Variants in IL1RAPL2 observed in about 807,000 individuals in gnomAD.
IL1RAPL2 encodes the protein interleukin 1 receptor accessory protein like 2.
In IL1RAPL2, 3 loss-of-function variants were observed where a neutral mutation model predicts 44.1. The observed-to-expected ratio is 0.07, with a 90% CI of 0.03 to 0.18. The LOEUF (loss-of-function observed/expected upper bound fraction) is 0.18, where lower values mean the gene tolerates loss of function less well. IL1RAPL2 is among the 10% of genes least tolerant of loss of function. IL1RAPL2 has a pLI of 1.00. For missense variants in IL1RAPL2, 391 were observed against 496.4 expected (o/e 0.79, Z 2.02); for synonymous variants, 181 against 178.8 (o/e 1.01, Z -0.10).
At chrX:104,844,129 G>T (rs145907222) in intron 2 of IL1RAPL2, among the ~76,000 whole-genome samples, 1,446 of 109,192 alleles carry the variant, frequency 0.013, 6 homozygotes, top group Non-Finnish European at 0.021. Context: ...TGAAGTGATT[G>T]GCAAACTTTT....
intron 6 of IL1RAPL2, among the ~76,000 whole-genome samples, chrX:105,493,410 A>G (rs1376013272): frequency 8.9e-6 from 1 of 112,017 alleles, no homozygotes; most frequent in Non-Finnish European, 1.9e-5. Flanking sequence ...ATTTCTCTAC[A>G]TTCTTGAAAG....
At chrX:104,893,195 A>T (rs1278145746) in intron 2 of IL1RAPL2, among the ~76,000 whole-genome samples, 2 of 111,532 alleles carry the variant, frequency 1.8e-5, no homozygotes, top group Admixed American at 9.5e-5. Flanking sequence ...TTTGCTGAGG[A>T]GTGCTTTAGT....
rs3055134 is a variant in IL1RAPL2 at position 104,660,620 on chromosome X, G to GAC, written c.82+1645_82+1646dup. The stretch of plus-strand genomic sequence containing the variant: ...ACACAAATATATATGTGTATGTATA[G>GAC]ACACACACACACACACACACATACA... On this transcript the variant is annotated intron_variant, in intron 2 of 10. Transcript: ENST00000372582. Among the ~76,000 whole-genome samples, 456 of 95,444 alleles carry GAC rather than the reference G, an allele frequency of 4.8e-3. 2 individuals are homozygous for GAC. Among genetic ancestry groups the GAC allele is most frequent in the Non-Finnish European group, 5.6e-3 (276 of 48,852 alleles). The allele number at this position is 95,444 out of a possible 115,157, so 82.9% of individuals were successfully genotyped here. A position where few individuals can be genotyped will look rare whatever the true frequency, so the allele number is the denominator to read the frequency against.
intron 6 of IL1RAPL2, among the ~76,000 whole-genome samples, chrX:105,679,315 G>A (rs2037902156): frequency 8.9e-6 from 1 of 111,766 alleles, no homozygotes; most frequent in South Asian, 3.7e-4. Flanking sequence ...AGGTAACCAG[G>A]AATTAAATAT....
chrX:105,650,619 A>G lies in IL1RAPL2; in HGVS notation c.773-66748A>G, dbSNP rs182367589. Among the ~76,000 whole-genome samples, 430 of 112,434 alleles carry G rather than the reference A, an allele frequency of 3.8e-3. 5 individuals are homozygous for G. The highest frequency in any genetic ancestry group is 0.014 in the African/African-American group (422 of 30,952). On this transcript the variant is annotated intron_variant, in intron 6 of 10. Transcript: ENST00000372582. ...TACCTTGAATTGGTTATGACTTTCT[A>G]AACCCTCTGACAGTTAGTCTTTGTC...
intron 2 of IL1RAPL2, among the ~76,000 whole-genome samples, chrX:104,677,903 T>A (rs2147537236): frequency 8.9e-6 from 1 of 112,458 alleles, no homozygotes; most frequent in Admixed American, 9.3e-5. Flanking sequence ...GAAAGGGAAC[T>A]CCCTGACCCC....
chrX:105,458,784 C>A (rs2036073954), intron 5 of IL1RAPL2, among the ~76,000 whole-genome samples: 1 of 111,866 alleles, frequency 8.9e-6, no homozygotes, highest in African/African-American at 3.2e-5. Flanking sequence ...TAAAACTGTT[C>A]ACCTGGTCAT....
intron 5 of IL1RAPL2, among the ~76,000 whole-genome samples, chrX:105,332,036 G>A (rs2034990297): frequency 9.1e-6 from 1 of 109,472 alleles, no homozygotes; most frequent in South Asian, 3.9e-4. Flanking sequence ...TAGGCAGGAA[G>A]GATCAATGCG....
chrX:105,174,359 G>C (rs1286166419), intron 2 of IL1RAPL2, among the ~76,000 whole-genome samples: 2 of 111,333 alleles, frequency 1.8e-5, no homozygotes, highest in African/African-American at 6.5e-5. Context: ...ATGCAGGCTG[G>C]AAGTCTTAAC....
chrX:105,585,880 C>G (rs1321970543), intron 6 of IL1RAPL2, among the ~76,000 whole-genome samples: 2 of 111,442 alleles, frequency 1.8e-5, no homozygotes, highest in Non-Finnish European at 3.8e-5. Flanking sequence ...GGGTATACAC[C>G]CAGTAATGGG....
chrX:105,022,054 A>G (rs1260525556), intron 2 of IL1RAPL2, among the ~76,000 whole-genome samples: 1 of 111,070 alleles, frequency 9.0e-6, no homozygotes, highest in Admixed American at 9.6e-5. Context: ...CTTATCCTTC[A>G]TAAGATTTAT....
chrX:104,825,712 A>G (rs1921432152), intron 2 of IL1RAPL2, among the ~76,000 whole-genome samples: 2 of 112,352 alleles, frequency 1.8e-5, no homozygotes, highest in South Asian at 7.3e-4. Flanking sequence ...CTATTACAAA[A>G]TATATTATCA....
At chrX:105,748,673 G>A (rs1342086582) in intron 8 of IL1RAPL2, among the ~76,000 whole-genome samples, 1 of 112,122 alleles carries the variant, frequency 8.9e-6, no homozygotes, top group Admixed American at 9.5e-5. Context: ...TACATTTAGA[G>A]CAAAAGCATA....
intron 2 of IL1RAPL2, among the ~76,000 whole-genome samples, chrX:105,143,434 G>C (rs1020968070): frequency 8.9e-6 from 1 of 111,883 alleles, no homozygotes; most frequent in African/African-American, 3.3e-5. Flanking sequence ...TCATTAAAAA[G>C]TCAGGAAACA....
At chrX:105,036,191 C>A (rs1019303273) in intron 2 of IL1RAPL2, among the ~76,000 whole-genome samples, 1 of 111,742 alleles carries the variant, frequency 8.9e-6, no homozygotes, top group Non-Finnish European at 1.9e-5. Flanking sequence ...CCTCATTGAC[C>A]CTTTCCCACT....
intron 2 of IL1RAPL2, among the ~76,000 whole-genome samples, chrX:104,761,733 A>T (rs1932431459): frequency 9.0e-6 from 1 of 111,021 alleles, no homozygotes; most frequent in South Asian, 3.9e-4. Flanking sequence ...CAAATGGGAG[A>T]AATTTTGGCC....
At chrX:105,678,215 A>T (rs2037890064) in intron 6 of IL1RAPL2, among the ~76,000 whole-genome samples, 1 of 112,466 alleles carries the variant, frequency 8.9e-6, no homozygotes, top group Non-Finnish European at 1.9e-5. Flanking sequence ...TTTTAAAAAA[A>T]TCTTGTGAGT....
At chrX:104,942,745 G>C (rs1333168759) in intron 2 of IL1RAPL2, among the ~76,000 whole-genome samples, 1 of 111,358 alleles carries the variant, frequency 9.0e-6, no homozygotes, top group African/African-American at 3.3e-5. Context: ...AATAGGAGTG[G>C]TGAGAAAGGG....
At chrX:105,747,533 TATACAC>T (rs1467939162) in intron 8 of IL1RAPL2, among the ~76,000 whole-genome samples, 23 of 90,598 alleles carry the variant, frequency 2.5e-4, no homozygotes, top group South Asian at 1.3e-3. Context: ...TATATATATA[TATACAC>T]ACACACACAC....
Sources: gnomAD v4.1 joint callset for allele counts (sites outside exome capture counted in the v4.1 genomes callset) on GRCh38, gnomAD v4.1.1 for gene constraint, MANE v1.5 for transcripts, NCBI Gene and HGNC (gene_info 2026-07-23, HGNC 2026-07-21) for gene names.